Variants in STOX2 observed in about 807,000 individuals in gnomAD.
The protein encoded by STOX2 is storkhead-box protein 2.
Under a neutral mutation model 60.9 loss-of-function variants are expected in STOX2, and 28 were observed. The observed-to-expected ratio is 0.46, with a 90% CI of 0.34 to 0.63. The LOEUF (loss-of-function observed/expected upper bound fraction) is 0.63. Ranked by LOEUF, STOX2 falls within the 30% of genes least tolerant of loss-of-function variation. The pLI, the probability that STOX2 is intolerant of heterozygous loss-of-function variation, is 0.01. For synonymous variants in STOX2, 472 were observed against 463.9 expected (o/e 1.02, Z -0.22); for missense variants, 1,024 against 1,187.7 (o/e 0.86, Z 2.03).
chr4:183,953,690 C>T (rs570909651), intron 1 of STOX2, among the ~76,000 whole-genome samples: 6 of 151,804 alleles, frequency 4.0e-5, no homozygotes, highest in Middle Eastern at 3.4e-3. Context: ...CTCAGCCTCC[C>T]GAGTAGCTGG....
At chr4:183,879,644 C>T (rs888746973) in intron 1 of STOX2, among the ~76,000 whole-genome samples, 1 of 152,166 alleles carries the variant, frequency 6.6e-6, no homozygotes, top group Admixed American at 6.5e-5. Context: ...CGGACAACTC[C>T]ATCTATTAAT....
intron 1 of STOX2, among the ~76,000 whole-genome samples, chr4:183,819,313 C>A (rs1423102240): frequency 2.0e-5 from 3 of 152,038 alleles, no homozygotes; most frequent in Admixed American, 1.3e-4. Context: ...GAGGCCGAGG[C>A]TAGCAGATCA....
intron 1 of STOX2, among the ~76,000 whole-genome samples, chr4:183,837,158 G>C (rs1156558347): frequency 6.6e-6 from 1 of 152,158 alleles, no homozygotes; most frequent in African/African-American, 2.4e-5. Flanking sequence ...GAGTGGGGAA[G>C]AGCATCCCAG....
At chr4:184,007,105 A>G (rs1733904254) in intron 2 of STOX2, among the ~76,000 whole-genome samples, 1 of 152,116 alleles carries the variant, frequency 6.6e-6, no homozygotes. Flanking sequence ...CACTTGCCAG[A>G]AGTAAAGTAT....
chr4:183,807,463 C>T (rs7658852), intron 1 of STOX2, among the ~76,000 whole-genome samples: 66,092 of 151,974 alleles, frequency 0.43, 14,937 homozygotes, highest in African/African-American at 0.54. Context: ...CAGCCTAAGG[C>T]GCCAGTGAGC....
intron 1 of STOX2, among the ~76,000 whole-genome samples, chr4:183,831,142 G>T (rs1739557715): frequency 6.6e-6 from 1 of 151,902 alleles, no homozygotes; most frequent in Non-Finnish European, 1.5e-5. Flanking sequence ...GGGGATGGTG[G>T]GGGGATGGAA....
chr4:183,847,479 G>C (rs977886143), intron 1 of STOX2, among the ~76,000 whole-genome samples: 2 of 152,124 alleles, frequency 1.3e-5, no homozygotes, highest in Admixed American at 6.6e-5. Context: ...TTCTGAATTA[G>C]CAAAAATAAT....
intron 1 of STOX2, among the ~76,000 whole-genome samples, chr4:183,909,017 T>C (rs1294252799): frequency 6.6e-6 from 1 of 152,218 alleles, no homozygotes; most frequent in Non-Finnish European, 1.5e-5. Flanking sequence ...TTCTTTATTT[T>C]AACTGTTAGC....
chr4:183,936,413 C>G (rs1167823693), intron 1 of STOX2, among the ~76,000 whole-genome samples: 1 of 146,782 alleles, frequency 6.8e-6, no homozygotes, highest in Non-Finnish European at 1.5e-5. Context: ...TGCATATTTT[C>G]TCTCTTTTTT....
At chr4:183,848,483 G>C (rs893252846) in intron 1 of STOX2, among the ~76,000 whole-genome samples, 1 of 152,128 alleles carries the variant, frequency 6.6e-6, no homozygotes, top group African/African-American at 2.4e-5. Context: ...TCCATCACTG[G>C]CCAAAAGAAG....
At chr4:183,874,865 G>A (rs1309893068) in intron 1 of STOX2, among the ~76,000 whole-genome samples, 2 of 134,770 alleles carry the variant, frequency 1.5e-5, no homozygotes, top group Non-Finnish European at 3.1e-5. Flanking sequence ...GGCGGAGCTT[G>A]CAGTGAGCCA....
chr4:183,875,353 G>T (rs995653590), intron 1 of STOX2, among the ~76,000 whole-genome samples: 49 of 152,278 alleles, frequency 3.2e-4, no homozygotes, highest in African/African-American at 1.1e-3. Flanking sequence ...AGAAGATGGG[G>T]CAGGGGAAGG....
intron 1 of STOX2, among the ~76,000 whole-genome samples, chr4:183,925,883 GT>G (rs929862718): frequency 2.0e-5 from 3 of 148,736 alleles, no homozygotes; most frequent in Non-Finnish European, 3.0e-5. Flanking sequence ...TGAAAACAGG[GT>G]TTTTTTTTTC....
intron 1 of STOX2, among the ~76,000 whole-genome samples, chr4:183,803,209 G>A (rs1447233957): frequency 1.3e-5 from 2 of 152,118 alleles, no homozygotes; most frequent in Non-Finnish European, 2.9e-5. Context: ...ATCTCCCACA[G>A]GGTCCCTCCC....
At chr4:183,903,257 CTCCAAT>C (rs1215187474), upstream of STOX2, among the ~76,000 whole-genome samples, 1 of 152,170 alleles carries the variant, frequency 6.6e-6, no homozygotes, top group African/African-American at 2.4e-5. Flanking sequence ...TCTTACTGTG[CTCCAAT>C]TTCAGCCACA....
rs73870945 is a variant in STOX2 at position 183,894,643 on chromosome 4, G to A, written c.364+96588G>A. Among the ~76,000 whole-genome samples the A allele has an allele frequency of 9.4e-3, 1,423 of 151,926 alleles. 16 individuals carry two copies. The highest frequency in any genetic ancestry group is 0.03 in the African/African-American group (1,225 of 41,414). ...TTGATATATGATTTTAATTGTTCCTGTATAACATTCCCTTAAATTACAGGA... is the reference window on the plus strand; with the variant it reads ...TTGATATATGATTTTAATTGTTCCTATATAACATTCCCTTAAATTACAGGA... On this transcript the variant is annotated intron_variant, in intron 1 of 2. Transcript: ENST00000513034.
At chr4:183,838,990 TACAC>T (rs1393114871) in intron 1 of STOX2, among the ~76,000 whole-genome samples, 1 of 151,910 alleles carries the variant, frequency 6.6e-6, no homozygotes, top group Non-Finnish European at 1.5e-5. Context: ...AAGATGTGTG[TACAC>T]ACACACAGGT....
intron 1 of STOX2, among the ~76,000 whole-genome samples, chr4:183,861,978 C>T (rs1740458806): frequency 6.6e-6 from 1 of 152,158 alleles, no homozygotes; most frequent in East Asian, 1.9e-4. Context: ...TTTCCCCTTC[C>T]CTTCTTACCG....
chr4:183,966,258 C>G (rs1743566595), intron 1 of STOX2, among the ~76,000 whole-genome samples: 1 of 152,110 alleles, frequency 6.6e-6, no homozygotes, highest in South Asian at 2.1e-4. Context: ...GAGGATGGAG[C>G]CTTCGAGAGC....
Sources: allele counts gnomAD v4.1 joint callset (sites outside exome capture counted in the v4.1 genomes callset), GRCh38; gene constraint gnomAD v4.1.1; transcripts MANE v1.5; gene names NCBI Gene and HGNC (gene_info 2026-07-23, HGNC 2026-07-21).